The following GTF2E2 variants were observed in gnomAD, a reference collection of about 807,000 sequenced individuals.
GTF2E2 encodes general transcription factor IIE subunit 2.
In GTF2E2, 21 loss-of-function variants were observed where a neutral mutation model predicts 40.5. That is an observed-to-expected ratio of 0.52 (90% CI 0.37 to 0.75). The LOEUF is 0.75. Ranked by LOEUF, GTF2E2 falls within the 30% of genes least tolerant of loss-of-function variation. The pLI, the probability that GTF2E2 is intolerant of heterozygous loss-of-function variation, is 0.00. For synonymous variants in GTF2E2, 117 were observed against 121.6 expected, an observed-to-expected ratio of 0.96 and a Z score of 0.25; for missense variants, 298 against 338.4, an observed-to-expected ratio of 0.88 and a Z score of 0.94.
At chr8:30,582,616 A>G (rs1038320225) in intron 6 of GTF2E2, among the ~76,000 whole-genome samples, 2 of 152,148 alleles carry the variant, frequency 1.3e-5, no homozygotes, top group East Asian at 3.8e-4. Flanking sequence ...CCATTCTCTA[A>G]GTGTGGCCAG....
intron 4 of GTF2E2, among the ~76,000 whole-genome samples, chr8:30,612,949 A>C (rs550773835): frequency 3.3e-5 from 5 of 152,358 alleles, no homozygotes; most frequent in African/African-American, 1.2e-4. Flanking sequence ...CAGGCCTAAA[A>C]TCCTGGACAT....
chr8:30,628,304 T>G (rs1458616150), intron 3 of GTF2E2, among the ~76,000 whole-genome samples: 2 of 152,174 alleles, frequency 1.3e-5, no homozygotes, highest in Non-Finnish European at 2.9e-5. Flanking sequence ...ACTACTGACT[T>G]GCACAAGAGT....
intron 3 of GTF2E2, among the ~76,000 whole-genome samples, chr8:30,621,505 T>C (rs767276154): frequency 6.6e-6 from 1 of 152,100 alleles, no homozygotes; most frequent in Non-Finnish European, 1.5e-5. Flanking sequence ...AAAGAGTGCT[T>C]ACAGAGAGTA....
At chr8:30,612,133 T>G (rs113058007) in intron 5 of GTF2E2, among the ~76,000 whole-genome samples, 166 bp downstream of exon 5, 2,092 of 152,312 alleles carry the variant, frequency 0.014, 60 homozygotes, top group African/African-American at 0.047. Flanking sequence ...CTCCCTTTCC[T>G]GCTAGGTGGC....
At chr8:30,580,437 A>G in intron 6 of GTF2E2, 41 bp from the exon 7 acceptor site, 6 of 1,090,472 alleles carry the variant, frequency 5.5e-6, no homozygotes, top group Non-Finnish European at 8.5e-6. Flanking sequence ...ATCCATTTTT[A>G]CAAACTATAG....
intron 3 of GTF2E2, among the ~76,000 whole-genome samples, chr8:30,632,685 G>T (rs1011419882): frequency 1.3e-5 from 2 of 152,126 alleles, no homozygotes; most frequent in Non-Finnish European, 2.9e-5. Flanking sequence ...AAGCCTTTTT[G>T]ATATGCTTCC....
chr8:30,612,590 G>T, intron 4 of GTF2E2, 109 bp from the exon 5 acceptor site: 1 of 529,262 alleles, frequency 1.9e-6, no homozygotes, highest in Non-Finnish European at 3.2e-6. Context: ...GCAGTGGCGT[G>T]ATCTCAGCTC....
chr8:30,618,425 T>C (rs752716993), intron 3 of GTF2E2, among the ~76,000 whole-genome samples: 1 of 152,122 alleles, frequency 6.6e-6, no homozygotes, highest in Non-Finnish European at 1.5e-5. Context: ...AATCGTGACA[T>C]GCATGTAGGA....
At chr8:30,652,952 C>T (rs1802332711) in intron 2 of GTF2E2, among the ~76,000 whole-genome samples, 1 of 152,050 alleles carries the variant, frequency 6.6e-6, no homozygotes, top group Admixed American at 6.6e-5. Flanking sequence ...AAAAAAACAA[C>T]ACACAAAAGA....
intron 6 of GTF2E2, 25 bp downstream of exon 6, chr8:30,607,032 T>G: frequency 1.2e-6 from 1 of 848,532 alleles, no homozygotes; most frequent in Non-Finnish European, 1.9e-6. Context: ...ACTTGCAAAC[T>G]AAAGTATAAT....
At chr8:30,590,697 T>C (rs935139896) in intron 6 of GTF2E2, among the ~76,000 whole-genome samples, 1 of 151,598 alleles carries the variant, frequency 6.6e-6, no homozygotes, top group African/African-American at 2.4e-5. Context: ...TCAAAAACTT[T>C]TTTTTTTTTT....
chr8:30,600,478 C>T (rs959998694), intron 6 of GTF2E2, among the ~76,000 whole-genome samples: 7 of 152,082 alleles, frequency 4.6e-5, no homozygotes, highest in African/African-American at 1.7e-4. Flanking sequence ...GGTAACAATA[C>T]TATTATTTCT....
chr8:30,645,633 G>A, intron 2 of GTF2E2: 2 of 1,499,964 alleles, frequency 1.3e-6, no homozygotes, highest in Non-Finnish European at 1.8e-6. Flanking sequence ...TCTGAAAGCA[G>A]CTCAACCTCT....
At chr8:30,653,150 A>G (rs959695376) in intron 2 of GTF2E2, among the ~76,000 whole-genome samples, 1 of 152,204 alleles carries the variant, frequency 6.6e-6, no homozygotes, top group Admixed American at 6.5e-5. Context: ...AATTCTGTAA[A>G]TTTACCAAAC....
chr8:30,616,674 G>T (rs1466874296), intron 3 of GTF2E2, among the ~76,000 whole-genome samples: 1 of 152,012 alleles, frequency 6.6e-6, no homozygotes, highest in East Asian at 1.9e-4. Flanking sequence ...GTCAACGTAG[G>T]TTCATTGACT....
At chr8:30,618,125 G>A (rs1465275132) in intron 3 of GTF2E2, among the ~76,000 whole-genome samples, 3 of 152,042 alleles carry the variant, frequency 2.0e-5, no homozygotes, top group African/African-American at 7.3e-5. Flanking sequence ...AGTGAAATCT[G>A]TCTCTATTAA....
intron 2 of GTF2E2, among the ~76,000 whole-genome samples, chr8:30,649,944 G>C (rs577761576): frequency 5.9e-5 from 9 of 152,216 alleles, no homozygotes; most frequent in African/African-American, 2.2e-4. Flanking sequence ...AAACTGAAAA[G>C]AAAAAATTCT....
At chr8:30,598,099 A>G (rs16877211) in intron 6 of GTF2E2, among the ~76,000 whole-genome samples, 2,039 of 152,336 alleles carry the variant, frequency 0.013, 36 homozygotes, top group African/African-American at 0.046. Flanking sequence ...TATGTATTAC[A>G]TATCTGTCCA....
intron 2 of GTF2E2, chr8:30,645,681 T>C (rs1802049314): frequency 3.0e-6 from 4 of 1,314,676 alleles, no homozygotes; most frequent in Non-Finnish European, 4.1e-6. Flanking sequence ...CAACTGTTGC[T>C]ACAAAACAAA....
Sources: allele counts gnomAD v4.1 joint callset (sites outside exome capture counted in the v4.1 genomes callset), GRCh38; gene constraint gnomAD v4.1.1; transcripts MANE v1.5; gene names NCBI Gene and HGNC (gene_info 2026-07-23, HGNC 2026-07-21).